The following CNTN3 variants were observed in gnomAD, a reference collection of about 807,000 sequenced individuals.
The protein encoded by CNTN3 is contactin 3.
Under a neutral mutation model 119.1 loss-of-function variants are expected in CNTN3, and 60 were observed. The observed-to-expected ratio is 0.50, with a 90% confidence interval of 0.41 to 0.62. The LOEUF (loss-of-function observed/expected upper bound fraction) is 0.62. Ranked by LOEUF, CNTN3 falls within the 20% of genes least tolerant of loss-of-function variation. The pLI, the probability that CNTN3 is intolerant of heterozygous loss-of-function variation, is 0.00. For synonymous variants in CNTN3, 450 were observed against 438.7 expected (o/e 1.03, Z -0.32); for missense variants, 1,101 against 1,242.4 (o/e 0.89, Z 1.71).
At position 74,516,692 on chromosome 3, in the gene CNTN3, G is replaced by T. The variant is rs924859248; in HGVS notation, c.55+4366C>A. Reference sequence around the variant, plus strand: ...GGGCAGAGATCCTTCTTAGGGGCCTGCCAGGCCTTCCCAAGCATAGAAGTA... The same window carrying T: ...GGGCAGAGATCCTTCTTAGGGGCCTTCCAGGCCTTCCCAAGCATAGAAGTA... On this transcript the variant is annotated intron_variant, in intron 2 of 22. Coordinates refer to ENST00000263665, the MANE Select transcript of CNTN3 (RefSeq NM_020872.3). 1.9e-4 allele frequency among the ~76,000 whole-genome samples: 29 copies of T among 150,572 alleles called. 1 individual carries two copies. The highest frequency in any genetic ancestry group is 7.2e-4 in the African/African-American group (29 of 40,198).
At chr3:74,315,347 T>G (rs526216) in intron 13 of CNTN3, among the ~76,000 whole-genome samples, 11,359 of 152,240 alleles carry the variant, frequency 0.075, 487 homozygotes, top group East Asian at 0.14. Context: ...GTAGCCATTC[T>G]TTGTTTCTTT....
At chr3:74,450,635 T>C in intron 4 of CNTN3, among the ~76,000 whole-genome samples, 1 of 149,816 alleles carries the variant, frequency 6.7e-6, no homozygotes, top group African/African-American at 2.5e-5. Flanking sequence ...TAGCATTAGG[T>C]ATATCTCCCA....
At chr3:74,447,768 T>C (rs150167679) in intron 4 of CNTN3, among the ~76,000 whole-genome samples, 1,958 of 152,252 alleles carry the variant, frequency 0.013, 47 homozygotes, top group African/African-American at 0.044. Flanking sequence ...GGAGAGTTCA[T>C]AAGGGCCCGC....
In CNTN3 at chr3:74,336,148, CTTATTTA is replaced by C. The variant is rs1373272676; in HGVS notation, c.1492+376_1492+382del. The stretch of plus-strand genomic sequence containing the variant: ...AATATATCCACAACTTTAAGCAATT[CTTATTTA>C]TATCCTGTTATTTCCTGGACTTGAA... On this transcript the variant is annotated intron_variant, in intron 12 of 22. Coordinates refer to ENST00000263665, the MANE Select transcript of CNTN3 (RefSeq NM_020872.3). Among the ~76,000 whole-genome samples, 5 of 152,056 alleles carry C rather than the reference CTTATTTA, an allele frequency of 3.3e-5. No individual in the cohort carries two copies. In the East Asian group the frequency reaches 9.7e-4, roughly 29 times the overall value.
At chr3:74,537,972 G>A (rs946266385) in intron 1 of CNTN3, among the ~76,000 whole-genome samples, 1 of 152,040 alleles carries the variant, frequency 6.6e-6, no homozygotes, top group African/African-American at 2.4e-5. Context: ...CTAGATAGAT[G>A]GATGAATGAA....
At position 74,576,340 on chromosome 3, in the gene CNTN3, T is replaced by C. The variant is rs115667558; in HGVS notation, c.-81+38051A>G. 2.8e-3 allele frequency among the ~76,000 whole-genome samples: 429 copies of C among 152,270 alleles called. 2 individuals carry two copies. Among genetic ancestry groups the C allele is most frequent in the African/African-American group, 9.7e-3 (403 of 41,548 alleles). Reference sequence around the variant, plus strand: ...TAAACTTCCAGTGTTCCCATCTCCATAGCCTCTTCCTTCCCACTTAAGAAT... The same window carrying C: ...TAAACTTCCAGTGTTCCCATCTCCACAGCCTCTTCCTTCCCACTTAAGAAT... On this transcript the variant is annotated intron_variant, in intron 1 of 22. Transcript: ENST00000263665.
At chr3:74,379,110 T>A (rs1422388416) in intron 5 of CNTN3, among the ~76,000 whole-genome samples, 3 of 152,314 alleles carry the variant, frequency 2.0e-5, no homozygotes, top group East Asian at 3.9e-4. Flanking sequence ...GGTACTAGCA[T>A]CTTTCACCAC....
At chr3:74,543,684 A>C (rs538499277) in intron 1 of CNTN3, among the ~76,000 whole-genome samples, 1 of 152,170 alleles carries the variant, frequency 6.6e-6, no homozygotes, top group Admixed American at 6.5e-5. Flanking sequence ...TCCTAAAAAA[A>C]TACTCTAAGG....
At chr3:74,450,883 T>C (rs1702140812) in intron 4 of CNTN3, among the ~76,000 whole-genome samples, 1 of 152,108 alleles carries the variant, frequency 6.6e-6, no homozygotes, top group South Asian at 2.1e-4. Context: ...TGGTGTTATC[T>C]GTGCCATATT....
At chr3:74,313,784 T>C (rs897781798) in intron 13 of CNTN3, among the ~76,000 whole-genome samples, 2 of 152,126 alleles carry the variant, frequency 1.3e-5, no homozygotes, top group African/African-American at 2.4e-5. Flanking sequence ...AGAGAATAGA[T>C]GATACATGTT....
chr3:74,590,184 T>C (rs1704677437), intron 1 of CNTN3, among the ~76,000 whole-genome samples: 1 of 151,842 alleles, frequency 6.6e-6, no homozygotes, highest in Admixed American at 6.6e-5. Flanking sequence ...CAGTTACATC[T>C]ATCCTGAACT....
chr3:74,492,976 A>G (rs1003542926), intron 3 of CNTN3, among the ~76,000 whole-genome samples: 7 of 152,076 alleles, frequency 4.6e-5, no homozygotes, highest in Admixed American at 4.6e-4. Flanking sequence ...TGAATAAAGC[A>G]ATCTAATTCT....
At chr3:74,306,212 T>C (rs1411259027) in intron 13 of CNTN3, among the ~76,000 whole-genome samples, 6 of 79,340 alleles carry the variant, frequency 7.6e-5, no homozygotes, top group Non-Finnish European at 1.1e-4. Flanking sequence ...GAGAGAAATG[T>C]CCAAAAAAAA....
At chr3:74,399,231 T>C (rs1705129587) in intron 5 of CNTN3, among the ~76,000 whole-genome samples, 2 of 152,152 alleles carry the variant, frequency 1.3e-5, no homozygotes. Flanking sequence ...TACAGATTAT[T>C]TCATCACCCA....
intron 5 of CNTN3, among the ~76,000 whole-genome samples, chr3:74,424,347 A>ATGTAAATG (rs1167828864): frequency 8.6e-5 from 13 of 151,562 alleles, no homozygotes; most frequent in Middle Eastern, 3.5e-3. Flanking sequence ...CAACGCCCCA[A>ATGTAAATG]TGTAAATGAT....
chr3:74,384,632 A>G (rs1455794222), intron 5 of CNTN3, among the ~76,000 whole-genome samples: 1 of 152,178 alleles, frequency 6.6e-6, no homozygotes, highest in African/African-American at 2.4e-5. Context: ...CTGATGATTT[A>G]CCTTGGTTTT....
chr3:74,264,379 A>G lies in CNTN3; in HGVS notation c.*22T>C, dbSNP rs759293627. 2.2e-6 allele frequency: 3 copies of G among 1,334,380 alleles called. No individual in the cohort carries two copies. The highest frequency in any genetic ancestry group is 1.0e-6 in the Non-Finnish European group (1 of 995,170). The allele number at this position is 1,334,380 out of a possible 1,614,324, so 82.7% of individuals were successfully genotyped here. ...TTTGGTAACCAAATAACTTTCCAAT[A>G]AATAATAAAAAGGAGTTAATATCAC... On this transcript the variant is annotated 3_prime_UTR_variant, in exon 23 of 23. Coordinates refer to ENST00000263665, the MANE Select transcript of CNTN3 (RefSeq NM_020872.3).
At position 74,340,611 on chromosome 3, in the gene CNTN3, G is replaced by C. The variant is rs145975554; in HGVS notation, c.1365-3953C>G. On this transcript the variant is annotated intron_variant, in intron 11 of 22. Coordinates refer to ENST00000263665, the MANE Select transcript of CNTN3 (RefSeq NM_020872.3). ...TCATTGTTATTAAAAAGAAAATGCA[G>C]ATGTGATGGAGAATTTTAATATGCA... Among the ~76,000 whole-genome samples, 169 of 152,224 alleles carry C rather than the reference G, an allele frequency of 1.1e-3. 1 individual carries two copies. The highest frequency in any genetic ancestry group is 1.9e-3 in the South Asian group (9 of 4,814).
At chr3:74,600,628 T>C (rs953821604) in intron 1 of CNTN3, among the ~76,000 whole-genome samples, 37 of 152,116 alleles carry the variant, frequency 2.4e-4, no homozygotes, top group African/African-American at 8.7e-4. Context: ...GTGCAGTCTA[T>C]TACTTTAGAT....
Sources: allele counts gnomAD v4.1 joint callset (sites outside exome capture counted in the v4.1 genomes callset), GRCh38; gene constraint gnomAD v4.1.1; transcripts MANE v1.5; gene names NCBI Gene and HGNC (gene_info 2026-07-23, HGNC 2026-07-21).